Variants in NF2 observed in about 807,000 individuals in gnomAD.
NF2 encodes NF2, moesin-ezrin-radixin like (MERLIN) tumor suppressor, also known as merlin.
A neutral mutation model predicts 83.7 loss-of-function variants in NF2; 8 were observed. The ratio of observed to expected loss-of-function variants is 0.10; its 90% CI spans 0.06 to 0.17. NF2 has a LOEUF of 0.17. Ranked by LOEUF, NF2 falls within the 10% of genes least tolerant of loss-of-function variation. The pLI, the probability that NF2 is intolerant of heterozygous loss-of-function variation, is 1.00. For missense variants in NF2, 533 were observed against 744.4 expected (o/e 0.72, Z 3.31); for synonymous variants, 266 against 269.6 (o/e 0.99, Z 0.13).
At chr22:29,608,945 T>G in intron 1 of NF2, 1 of 595,704 alleles carries the variant, frequency 1.7e-6, no homozygotes, top group Non-Finnish European at 3.1e-6. Context: ...CAATGCTACC[T>G]GGCCAATTTA....
rs2146855610 is a variant in NF2, at chr22:29,636,907, G to A, written c.240+31G>A. The A allele has an allele frequency of 1.9e-6, 3 of 1,613,464 alleles. No individual in the cohort carries two copies. In the African/African-American group the frequency reaches 4.0e-5, roughly 22 times the overall value. ...GCTAGAACTCGATGAAACTGGTGGG[G>A]CTGACGTGAGCTTTCCAGTTTTTCC... On this transcript the variant is annotated intron_variant, in intron 2 of 15. Transcript: ENST00000338641. This position sits in a 1 kb window ranked among gnomAD's most constrained non-coding sequence, Gnocchi z 4.4.
chr22:29,630,928 C>G (rs533529588), intron 1 of NF2, among the ~76,000 whole-genome samples: 1 of 152,074 alleles, frequency 6.6e-6, no homozygotes, highest in African/African-American at 2.4e-5. Flanking sequence ...GAAAGCGTTA[C>G]GTGCCATCAG....
At chr22:29,658,100 G>A in intron 6 of NF2, 89 bp from the exon 7 acceptor site, 2 of 1,195,170 alleles carry the variant, frequency 1.7e-6, no homozygotes, top group East Asian at 4.7e-5. Context: ...CTAGAGGAAT[G>A]GCAGGGTCAG....
intron 4 of NF2, among the ~76,000 whole-genome samples, chr22:29,645,626 A>G (rs1215389687): frequency 6.6e-6 from 1 of 152,114 alleles, no homozygotes; most frequent in African/African-American, 2.4e-5. Context: ...TCCTTTTCGC[A>G]CGCTTTCTCC....
intron 15 of NF2, among the ~76,000 whole-genome samples, chr22:29,691,649 CAGCCAGTG>C (rs2067407581): frequency 1.3e-5 from 2 of 152,358 alleles, no homozygotes; most frequent in Non-Finnish European, 2.9e-5. Context: ...GTAAATGTAA[CAGCCAGTG>C]AGCTTTCTAG....
At chr22:29,664,132 G>A (rs1450630189) in intron 8 of NF2, among the ~76,000 whole-genome samples, 1 of 151,938 alleles carries the variant, frequency 6.6e-6, no homozygotes. Flanking sequence ...TTTTGAGATA[G>A]GGGTCTGCTC....
rs2066280562 is a variant in NF2, at chr22:29,655,643, C to G, written c.566C>G (p.Thr189Ser). The change falls in exon 6 of 16, where the codon ACT becomes AGT. Residue 189 changes from threonine (T) to serine (S), a missense_variant. Thr to Ser is a moderately conservative substitution (Grantham distance 58, BLOSUM62 1). Around this residue, in one of 3 missense-constraint regions of NF2, gnomAD observed 326 missense variants for 475.1 expected, o/e 0.69. Coordinates refer to ENST00000338641, the MANE Select transcript of NF2 (RefSeq NM_000268.4). ...CCGGAAATGTGGGAGGAGAGAATTA[C>G]TGCTTGGTACGCAGAGCACCGAGGC... ...MTPEMWEERI[T>S]AWYAEHRGRA... is the part of the protein sequence containing the mutation. 2.5e-6 allele frequency: 4 copies of G among 1,613,092 alleles called. No individual in the cohort carries two copies. The South Asian group carries it at 4.4e-5, about 18-fold the overall frequency.
intron 15 of NF2, among the ~76,000 whole-genome samples, chr22:29,686,580 A>G (rs2530679): frequency 0.61 from 93,137 of 152,146 alleles, 29,365 homozygotes; most frequent in East Asian, 0.85. Context: ...TGGGGGTTGC[A>G]GTGAGCCAAG....
chr22:29,644,811 C>T (rs1398168563), intron 4 of NF2, among the ~76,000 whole-genome samples: 3 of 152,116 alleles, frequency 2.0e-5, no homozygotes, highest in Non-Finnish European at 4.4e-5. Flanking sequence ...ATTGCAGGCA[C>T]TCGGCAGGCT....
intron 1 of NF2, among the ~76,000 whole-genome samples, chr22:29,618,724 C>T (rs1480346778): frequency 6.6e-6 from 1 of 152,156 alleles, no homozygotes; most frequent in Admixed American, 6.6e-5. Flanking sequence ...AACAAAGCCT[C>T]CTTCTCCTGT....
rs996964764 is a variant in NF2, at chr22:29,673,273, G to A, written c.1127G>A (p.Arg376Gln). The change falls in exon 12 of 16, where the codon CGG (arginine) becomes CAG (glutamine). Residue 376 changes from arginine (R) to glutamine (Q), a missense_variant. Coordinates refer to ENST00000338641, the MANE Select transcript of NF2 (RefSeq NM_000268.4). ...TAAGAGCACTGTGCCCTCCAGATGC[G>A]GTCTGAGGAGACAGCTGACCTGTTG... ...EATMANEALM[R>Q]SEETADLLAE... 1.1e-5 allele frequency: 17 copies of A among 1,569,406 alleles called. No homozygotes were observed. Among genetic ancestry groups the A allele is most frequent in the Middle Eastern group, 1.7e-4 (1 of 6,024 alleles).
intron 4 of NF2, among the ~76,000 whole-genome samples, chr22:29,644,029 C>G (rs1404272468): frequency 1.3e-5 from 2 of 150,704 alleles, no homozygotes; most frequent in African/African-American, 4.9e-5. Context: ...CTGACCCCCC[C>G]ACCTCCCTCC....
At chr22:29,683,160 A>C (rs1399694309) in intron 15 of NF2, 2 of 1,613,288 alleles carry the variant, frequency 1.2e-6, no homozygotes, top group Non-Finnish European at 1.7e-6. Context: ...CTCGGGCCAC[A>C]CTGAGCCCTT....
At chr22:29,621,208 C>T (rs1601549637) in intron 1 of NF2, among the ~76,000 whole-genome samples, 2 of 152,144 alleles carry the variant, frequency 1.3e-5, no homozygotes, top group Non-Finnish European at 2.9e-5. Flanking sequence ...TTGTTGGGGC[C>T]GCTGAGGCAG....
intron 3 of NF2, among the ~76,000 whole-genome samples, chr22:29,639,607 G>A (rs1429092311): frequency 6.6e-6 from 1 of 152,114 alleles, no homozygotes; most frequent in Non-Finnish European, 1.5e-5. Context: ...AGGACTGGCC[G>A]GGCATGGTGG....
chr22:29,694,749 C>T lies in NF2; in HGVS notation c.1738-3C>T. ...TCTCAGCTTCTTCTCTGCTTTCTTA[C>T]AGCTCACCTTGCAGAGCGCCAAGTC... is the stretch of plus-strand genomic sequence containing the variant. On this transcript the variant is annotated splice_polypyrimidine_tract_variant and splice_region_variant and intron_variant, in intron 15 of 15. Coordinates refer to ENST00000338641, the MANE Select transcript of NF2 (RefSeq NM_000268.4). The surrounding 1 kb of genome is among the most constrained non-coding windows in gnomAD (Gnocchi z 4.1). 6.2e-7 allele frequency: 1 copy of T among 1,613,776 alleles called. No homozygotes were observed. The highest frequency in any genetic ancestry group is 8.5e-7 in the Non-Finnish European group (1 of 1,179,862).
At chr22:29,685,931 A>G (rs2067258515) in intron 15 of NF2, among the ~76,000 whole-genome samples, 1 of 150,422 alleles carries the variant, frequency 6.6e-6, no homozygotes, top group Non-Finnish European at 1.5e-5. Flanking sequence ...TCCTTTCTCT[A>G]TAATTCTTAC....
intron 11 of NF2, 134 bp from the exon 12 acceptor site, chr22:29,673,135 G>T: frequency 2.1e-6 from 2 of 940,312 alleles, no homozygotes; most frequent in Non-Finnish European, 3.3e-6. Flanking sequence ...CTTGTCAGAG[G>T]GTCATGGAGG....
chr22:29,606,141 G>A (rs2348683), intron 1 of NF2, among the ~76,000 whole-genome samples: 36,323 of 152,014 alleles, frequency 0.24, 4,451 homozygotes, highest in Non-Finnish European at 0.29. Context: ...TTTAGTAGAG[G>A]CAGGGTTTCT....
Sources: gnomAD v4.1 joint callset for allele counts (sites outside exome capture counted in the v4.1 genomes callset) on GRCh38, gnomAD v4.1.1 for gene constraint, gnomAD v4.1.1 regional missense constraint, Gnocchi (gnomAD v3.1) non-coding constraint, MANE v1.5 for transcripts, NCBI Gene and HGNC (gene_info 2026-07-23, HGNC 2026-07-21) for gene names.